Variants in GALNT10 observed in about 807,000 individuals in gnomAD.
GALNT10 encodes polypeptide N-acetylgalactosaminyltransferase 10, also known as GalNAc transferase 10.
In GALNT10, 41 loss-of-function variants were observed where a neutral mutation model predicts 75.0. The observed-to-expected ratio is 0.55, with a 90% CI of 0.43 to 0.71. The LOEUF (loss-of-function observed/expected upper bound fraction) is 0.71, where lower values mean the gene tolerates loss of function less well. Among genes scored for constraint, GALNT10 ranks in the 30% least tolerant of loss-of-function variants. The pLI is 0.00. For synonymous variants in GALNT10, 302 were observed against 313.0 expected, an observed-to-expected ratio of 0.96 and a Z score of 0.37; for missense variants, 727 against 818.5, an observed-to-expected ratio of 0.89 and a Z score of 1.36.
intron 4 of GALNT10, among the ~76,000 whole-genome samples, chr5:154,375,698 C>T (rs1044109677): frequency 1.3e-5 from 2 of 152,220 alleles, no homozygotes; most frequent in African/African-American, 4.8e-5. Flanking sequence ...AAAGATGTCA[C>T]GAGTGGCTCC....
intron 1 of GALNT10, among the ~76,000 whole-genome samples, chr5:154,251,312 A>G (rs1424411646): frequency 6.6e-6 from 1 of 152,056 alleles, no homozygotes; most frequent in Non-Finnish European, 1.5e-5. Flanking sequence ...AGCCTTACCC[A>G]TTTTTAAGTG....
At chr5:154,362,746 G>C (rs1407102921) in intron 4 of GALNT10, among the ~76,000 whole-genome samples, 1 of 152,136 alleles carries the variant, frequency 6.6e-6, no homozygotes. Context: ...ACCTATGATT[G>C]AATTCTTCCG....
At chr5:154,247,109 C>T (rs566264471) in intron 1 of GALNT10, among the ~76,000 whole-genome samples, 1 of 152,282 alleles carries the variant, frequency 6.6e-6, no homozygotes, top group Admixed American at 6.5e-5. Flanking sequence ...TGTCAAAGAT[C>T]AGATAGTTGT....
rs149926632 is a variant in GALNT10, at chr5:154,229,085, C to T, written c.159+38060C>T. Among the ~76,000 whole-genome samples, 864 of 152,232 alleles carry T rather than the reference C, an allele frequency of 5.7e-3. 28 individuals are homozygous for T. The East Asian group carries it at 0.087, about 15-fold the overall frequency. ...GTTAGGAATGTTTCTTCTCTGGTAA[C>T]GTGGGATTGATTGCATTTTTGTTAG... On this transcript the variant is annotated intron_variant, in intron 1 of 11. Coordinates refer to ENST00000297107, the MANE Select transcript of GALNT10 (RefSeq NM_198321.4).
chr5:154,420,247 T>C lies in GALNT10; in HGVS notation c.*3275T>C, dbSNP rs1756602535. On this transcript the variant is annotated 3_prime_UTR_variant, in exon 12 of 12. Coordinates refer to ENST00000297107, the MANE Select transcript of GALNT10 (RefSeq NM_198321.4). Reference sequence around the variant, plus strand: ...GAGAAAGAGCAGTTTCTGTTAAAGATGTAACAAATGGATTTCCAAAGTCTA... The same window carrying C: ...GAGAAAGAGCAGTTTCTGTTAAAGACGTAACAAATGGATTTCCAAAGTCTA... 6.6e-6 allele frequency: 1 copy of C among 152,252 alleles called. No homozygotes were observed. Among genetic ancestry groups the C allele is most frequent in the Admixed American group, 6.5e-5 (1 of 15,284 alleles). 9.4% of individuals were successfully genotyped at this position (152,252 alleles called of 1,614,324 possible). A position where few individuals can be genotyped will look rare whatever the true frequency, so the allele number is the denominator to read the frequency against.
intron 8 of GALNT10, among the ~76,000 whole-genome samples, chr5:154,408,206 T>C (rs1178674072): frequency 6.6e-6 from 1 of 152,152 alleles, no homozygotes; most frequent in Non-Finnish European, 1.5e-5. Flanking sequence ...ACTATCCGGC[T>C]CTTTATAGAA....
rs1441237638 is a variant in GALNT10, at chr5:154,386,331, T to C, written c.957T>C (p.Gly319=). ...CTGACAGGTCTCCCGTGATGGCCGG[T>C]GGACTGTTCGCCGTGGATCGGAAGT... is the stretch of plus-strand genomic sequence containing the variant. ...SDPFESPVMA[G]GLFAVDRKWF... Residue 319 remains glycine, a synonymous_variant, in exon 7 of 12, where the codon GGT becomes GGC. Coordinates refer to ENST00000297107, the MANE Select transcript of GALNT10 (RefSeq NM_198321.4). 1.1e-5 allele frequency: 18 copies of C among 1,613,822 alleles called. No individual in the cohort carries two copies. The highest frequency in any genetic ancestry group is 1.4e-5 in the Non-Finnish European group (16 of 1,179,886).
chr5:154,293,614 T>TATA (rs60780135), intron 1 of GALNT10, among the ~76,000 whole-genome samples: 6 of 106,464 alleles, frequency 5.6e-5, no homozygotes, highest in South Asian at 2.5e-4. Context: ...TATATATATA[T>TATA]TTTTTTTTTC....
intron 1 of GALNT10, 121 bp downstream of exon 1, chr5:154,191,146 C>A: frequency 1.5e-6 from 1 of 656,240 alleles, no homozygotes; most frequent in Non-Finnish European, 2.2e-6. Context: ...GACTCTTCAG[C>A]TCTTCCCATT....
intron 1 of GALNT10, among the ~76,000 whole-genome samples, chr5:154,283,885 G>A (rs550282180): frequency 2.6e-5 from 4 of 152,268 alleles, no homozygotes; most frequent in Admixed American, 2.6e-4. Flanking sequence ...TGGCAGATGG[G>A]TCCTGTCCCC....
At chr5:154,202,042 A>G (rs1292460136) in intron 1 of GALNT10, among the ~76,000 whole-genome samples, 1 of 151,982 alleles carries the variant, frequency 6.6e-6, no homozygotes, top group African/African-American at 2.4e-5. Flanking sequence ...ATTATTGGGG[A>G]AGTGTTAGGA....
At chr5:154,379,889 G>A (rs1385196592) in intron 5 of GALNT10, among the ~76,000 whole-genome samples, 1 of 152,172 alleles carries the variant, frequency 6.6e-6, no homozygotes, top group Non-Finnish European at 1.5e-5. Flanking sequence ...GAGTTGAGCT[G>A]AATTCTTGCA....
chr5:154,368,615 G>C (rs1482433620), intron 4 of GALNT10, among the ~76,000 whole-genome samples: 1 of 152,158 alleles, frequency 6.6e-6, no homozygotes, highest in African/African-American at 2.4e-5. Flanking sequence ...TTTCAGCTCT[G>C]CCACTCTCTA....
At chr5:154,246,362 T>C (rs2113671305) in intron 1 of GALNT10, among the ~76,000 whole-genome samples, 2 of 152,348 alleles carry the variant, frequency 1.3e-5, no homozygotes, top group South Asian at 4.2e-4. Context: ...TTTCCAGTTC[T>C]AGATCCCTGA....
In GALNT10 at chr5:154,402,201, C is replaced by G. The variant is rs1472004460; in HGVS notation, c.1057-1903C>G. ...CTGCCCCGTGAGGGCCCTGCGGGAG[C>G]CCTGCCCGCGTCTCTGGCCTCCCCT... On this transcript the variant is annotated intron_variant, in intron 7 of 11. Coordinates refer to ENST00000297107, the MANE Select transcript of GALNT10 (RefSeq NM_198321.4). This position sits in a 1 kb window ranked among gnomAD's most constrained non-coding sequence, Gnocchi z 4.2. 6.6e-6 allele frequency among the ~76,000 whole-genome samples: 1 copy of G among 152,174 alleles called. No individual in the cohort carries two copies. Among genetic ancestry groups the G allele is most frequent in the Non-Finnish European group, 1.5e-5 (1 of 68,022 alleles).
chr5:154,404,797 T>C (rs1756239981), intron 8 of GALNT10, among the ~76,000 whole-genome samples: 1 of 152,112 alleles, frequency 6.6e-6, no homozygotes, highest in South Asian at 2.1e-4. Flanking sequence ...TTCATAAATG[T>C]CAGTGTCTTT....
intron 4 of GALNT10, among the ~76,000 whole-genome samples, chr5:154,371,798 C>T (rs1207641569): frequency 1.3e-5 from 2 of 152,094 alleles, no homozygotes. Flanking sequence ...TCAAGTATTT[C>T]CTGAGAAGTT....
intron 7 of GALNT10, among the ~76,000 whole-genome samples, chr5:154,398,406 A>G (rs931581041): frequency 6.6e-6 from 1 of 152,172 alleles, no homozygotes; most frequent in Admixed American, 6.5e-5. Context: ...CCATCCCTGG[A>G]GCTCCCCTTC....
At chr5:154,206,261 A>C (rs144670974) in intron 1 of GALNT10, among the ~76,000 whole-genome samples, 282 of 152,314 alleles carry the variant, frequency 1.9e-3, no homozygotes, top group African/African-American at 6.4e-3. Context: ...AAAAAACCTG[A>C]GCCATTAGCC....
Sources: allele counts gnomAD v4.1 joint callset (sites outside exome capture counted in the v4.1 genomes callset), GRCh38; gene constraint gnomAD v4.1.1; non-coding constraint Gnocchi (gnomAD v3.1); transcripts MANE v1.5; gene names NCBI Gene and HGNC (gene_info 2026-07-23, HGNC 2026-07-21).